Variants in ACOXL observed in about 807,000 individuals in gnomAD.
The protein encoded by ACOXL is acyl-CoA oxidase like.
In ACOXL, 70 loss-of-function variants were observed where a neutral mutation model predicts 71.9. The ratio of observed to expected loss-of-function variants is 0.97; its 90% confidence interval spans 0.80 to 1.19. The LOEUF is 1.19. ACOXL is among the 50% of genes most tolerant of loss of function. The pLI is 0.00. For missense variants in ACOXL, 703 were observed against 736.3 expected (o/e 0.95, Z 0.52); for synonymous variants, 253 against 281.6 (o/e 0.90, Z 1.02).
intron 16 of ACOXL, among the ~76,000 whole-genome samples, chr2:111,055,011 G>A (rs2066464153): frequency 6.6e-6 from 1 of 152,184 alleles, no homozygotes; most frequent in South Asian, 2.1e-4. Flanking sequence ...CAAGCTGGTT[G>A]TCTAATGTTT....
chr2:110,878,365 G>T (rs1696189835), intron 10 of ACOXL, among the ~76,000 whole-genome samples: 1 of 152,206 alleles, frequency 6.6e-6, no homozygotes, highest in African/African-American at 2.4e-5. Context: ...AAGAAATTAT[G>T]CCTAATACAT....
chr2:111,075,424 T>A (rs1425897265), intron 16 of ACOXL, among the ~76,000 whole-genome samples: 1 of 151,530 alleles, frequency 6.6e-6, no homozygotes, highest in Non-Finnish European at 1.5e-5. Flanking sequence ...TGTGAGGCTG[T>A]ACTGCTTTCC....
At chr2:111,064,504 C>T (rs1481702695) in intron 16 of ACOXL, among the ~76,000 whole-genome samples, 1 of 151,062 alleles carries the variant, frequency 6.6e-6, no homozygotes, top group African/African-American at 2.4e-5. Context: ...AAGATACCTA[C>T]TTTGTCATCC....
intron 1 of ACOXL, among the ~76,000 whole-genome samples, chr2:110,734,669 A>T (rs1000294485): frequency 5.3e-5 from 8 of 152,050 alleles, no homozygotes; most frequent in Non-Finnish European, 1.5e-5. Context: ...CAGTCTTTTC[A>T]GTTTGTTCCT....
chr2:110,809,606 G>A (rs181012979), intron 9 of ACOXL, among the ~76,000 whole-genome samples: 4 of 152,350 alleles, frequency 2.6e-5, no homozygotes, highest in African/African-American at 7.2e-5. Context: ...TTCCTACGGT[G>A]TGCATTGTTG....
chr2:110,736,866 C>T (rs554130684), intron 1 of ACOXL, among the ~76,000 whole-genome samples: 16 of 152,218 alleles, frequency 1.1e-4, no homozygotes, highest in East Asian at 3.9e-4. Flanking sequence ...ATGATCTGCC[C>T]GCCTCGGCCT....
chr2:110,845,657 G>A (rs1476723641), intron 10 of ACOXL, among the ~76,000 whole-genome samples: 2 of 152,110 alleles, frequency 1.3e-5, no homozygotes, highest in Non-Finnish European at 2.9e-5. Flanking sequence ...GACTATTCTA[G>A]GGACTTTATA....
chr2:110,790,031 A>G (rs1260874153), intron 3 of ACOXL, among the ~76,000 whole-genome samples: 1 of 152,212 alleles, frequency 6.6e-6, no homozygotes, highest in African/African-American at 2.4e-5. Flanking sequence ...CTTTGTACAT[A>G]TGTACCTTAG....
intron 12 of ACOXL, among the ~76,000 whole-genome samples, chr2:110,951,917 T>C (rs1458822459): frequency 6.6e-6 from 1 of 152,250 alleles, no homozygotes; most frequent in Non-Finnish European, 1.5e-5. Flanking sequence ...TCTGTGATTA[T>C]GAATGAGGTT....
chr2:110,957,558 T>C (rs985011673), intron 12 of ACOXL, among the ~76,000 whole-genome samples: 1 of 152,230 alleles, frequency 6.6e-6, no homozygotes, highest in Non-Finnish European at 1.5e-5. Flanking sequence ...GCTCTCATCC[T>C]GACTTGTCGA....
intron 9 of ACOXL, among the ~76,000 whole-genome samples, chr2:110,822,492 T>A (rs1480566299): frequency 6.6e-6 from 1 of 152,240 alleles, no homozygotes; most frequent in African/African-American, 2.4e-5. Context: ...ACAGTGCTGA[T>A]GTACAGTTAG....
Position 110,809,603 on chromosome 2 carries a change from G to A in ACOXL, c.753+4208G>A, listed in dbSNP as rs558388469. On this transcript the variant is annotated intron_variant, in intron 9 of 17. Coordinates refer to ENST00000439055, the MANE Select transcript of ACOXL (RefSeq NM_001142807.4). ...CGATAGACACACAATCTTTTCCTACGGTGTGCATTGTTGGGTATGAGTGAA... is the reference window on the plus strand; with the variant it reads ...CGATAGACACACAATCTTTTCCTACAGTGTGCATTGTTGGGTATGAGTGAA... 2.0e-5 allele frequency among the ~76,000 whole-genome samples: 3 copies of A among 152,314 alleles called. No homozygotes were observed. The East Asian group carries it at 5.8e-4, about 29-fold the overall frequency.
At chr2:111,026,831 G>A (rs923021668) in intron 14 of ACOXL, among the ~76,000 whole-genome samples, 4 of 152,178 alleles carry the variant, frequency 2.6e-5, no homozygotes, top group African/African-American at 7.2e-5. Context: ...CAGTTACAGA[G>A]TAGGGTGTCC....
chr2:110,933,684 C>T (rs1356833765), intron 12 of ACOXL, 42 bp downstream of exon 12: 2 of 1,575,562 alleles, frequency 1.3e-6, no homozygotes, highest in African/African-American at 2.7e-5. Flanking sequence ...CCCCACGATA[C>T]AACCCACACT....
rs931047173 is a variant in ACOXL, at chr2:110,889,718, C to T, written c.789-19071C>T. On this transcript the variant is annotated intron_variant, in intron 10 of 17. Transcript: ENST00000439055. Reference sequence around the variant, plus strand: ...AATAGTATTCCTTTGTATACCTATACCACATTTTATTAACCCATTCATCAA... The same window carrying T: ...AATAGTATTCCTTTGTATACCTATATCACATTTTATTAACCCATTCATCAA... 2.0e-5 allele frequency among the ~76,000 whole-genome samples: 3 copies of T among 152,152 alleles called. No homozygotes were observed. The East Asian group carries it at 5.8e-4, about 29-fold the overall frequency.
chr2:110,757,909 G>A (rs1035694408), intron 1 of ACOXL, among the ~76,000 whole-genome samples: 10 of 152,024 alleles, frequency 6.6e-5, no homozygotes, highest in African/African-American at 2.4e-4. Flanking sequence ...GATCCGATTC[G>A]TCAATTTTTG....
intron 17 of ACOXL, among the ~76,000 whole-genome samples, chr2:111,113,408 C>T (rs954144321): frequency 1.1e-4 from 16 of 152,148 alleles, no homozygotes; most frequent in Non-Finnish European, 1.0e-4. Flanking sequence ...GGCAGAACAC[C>T]GAAGACCTTG....
intron 9 of ACOXL, among the ~76,000 whole-genome samples, chr2:110,837,082 T>C (rs1690552631): frequency 6.6e-6 from 1 of 152,220 alleles, no homozygotes; most frequent in Non-Finnish European, 1.5e-5. Flanking sequence ...TGGCCTCCTC[T>C]GTGAAAAGAC....
chr2:111,031,536 G>T, intron 14 of ACOXL, 91 bp from the exon 15 acceptor site: 1 of 1,207,984 alleles, frequency 8.3e-7, no homozygotes, highest in Non-Finnish European at 1.2e-6. Context: ...ATGTAGTACT[G>T]AAAATTTGGA....
Sources: gnomAD v4.1 joint callset for allele counts (sites outside exome capture counted in the v4.1 genomes callset) on GRCh38, gnomAD v4.1.1 for gene constraint, MANE v1.5 for transcripts, NCBI Gene and HGNC (gene_info 2026-07-23, HGNC 2026-07-21) for gene names.